RBM25: variants seen among roughly 807,000 people sequenced by gnomAD.
RBM25 encodes RNA binding motif protein 25.
In RBM25, 19 loss-of-function variants were observed where a neutral mutation model predicts 120.7. That is an observed-to-expected ratio of 0.16 (90% CI 0.11 to 0.23). The LOEUF (loss-of-function observed/expected upper bound fraction) is 0.23. Among genes scored for constraint, RBM25 ranks in the 10% least tolerant of loss-of-function variants. The pLI, the probability that RBM25 is intolerant of heterozygous loss-of-function variation, is 1.00. For missense variants in RBM25, 605 were observed against 1,041.5 expected, an observed-to-expected ratio of 0.58 and a Z score of 5.77; for synonymous variants, 390 against 326.7, an observed-to-expected ratio of 1.19 and a Z score of -2.09.
intron 1 of RBM25, 69 bp from the exon 2 acceptor site, chr14:73,071,558 C>T: frequency 9.0e-7 from 1 of 1,114,672 alleles, no homozygotes; most frequent in Non-Finnish European, 1.3e-6. Flanking sequence ...AAATGAAAGT[C>T]AACAAAGAAG....
chr14:73,106,807 A>G (rs556637568), intron 12 of RBM25, among the ~76,000 whole-genome samples: 73 of 151,916 alleles, frequency 4.8e-4, no homozygotes, highest in Middle Eastern at 3.4e-3. Context: ...ACATATACAC[A>G]TATACATACA....
At chr14:73,114,185 G>A in intron 17 of RBM25, 101 bp from the exon 18 acceptor site, 2 of 820,082 alleles carry the variant, frequency 2.4e-6, no homozygotes, top group Non-Finnish European at 3.8e-6. Context: ...TTAGCCGCAA[G>A]AAGTTCCTGT....
intron 1 of RBM25, chr14:73,068,587 C>A: frequency 7.5e-6 from 4 of 536,680 alleles, no homozygotes; most frequent in South Asian, 4.5e-5. Context: ...TACGGTAGAT[C>A]TGACCATGGC....
intron 12 of RBM25, among the ~76,000 whole-genome samples, chr14:73,107,006 A>G (rs909162191): frequency 6.6e-6 from 1 of 151,142 alleles, no homozygotes; most frequent in Non-Finnish European, 1.5e-5. Flanking sequence ...CACCCAGCTA[A>G]TATTTTGTAT....
At chr14:73,094,665 TAGTG>T (rs1895895942) in intron 6 of RBM25, among the ~76,000 whole-genome samples, 1 of 152,070 alleles carries the variant, frequency 6.6e-6, no homozygotes, top group Non-Finnish European at 1.5e-5. Flanking sequence ...TCTCCTGACT[TAGTG>T]AGCCGCTGCA....
At chr14:73,066,349 C>T (rs555215086) in intron 1 of RBM25, among the ~76,000 whole-genome samples, 2 of 152,162 alleles carry the variant, frequency 1.3e-5, no homozygotes, top group East Asian at 1.9e-4. Context: ...TTAAATCCTC[C>T]TAAGGGCTGG....
At chr14:73,070,960 G>C (rs1296143248) in intron 1 of RBM25, among the ~76,000 whole-genome samples, 1 of 114,456 alleles carries the variant, frequency 8.7e-6, no homozygotes, top group Non-Finnish European at 1.8e-5. Flanking sequence ...AAAAAAAAAA[G>C]GCCAGGCATG....
intron 2 of RBM25, among the ~76,000 whole-genome samples, chr14:73,072,286 TA>T (rs541163191): frequency 1.3e-5 from 2 of 150,188 alleles, no homozygotes; most frequent in African/African-American, 2.5e-5. Context: ...ATTCTATATT[TA>T]AAAAAAATGG....
chr14:73,108,438 T>A (rs1896236223), intron 13 of RBM25, among the ~76,000 whole-genome samples: 2 of 152,208 alleles, frequency 1.3e-5, no homozygotes, highest in Non-Finnish European at 2.9e-5. Context: ...CAATTTGACC[T>A]CCCGTCTCTC....
intron 18 of RBM25, among the ~76,000 whole-genome samples, chr14:73,118,272 T>G (rs1420830617): frequency 1.3e-5 from 2 of 152,034 alleles, no homozygotes; most frequent in Non-Finnish European, 2.9e-5. Flanking sequence ...GCCCAGGAGT[T>G]TGAGACCAGC....
intron 5 of RBM25, among the ~76,000 whole-genome samples, chr14:73,085,915 G>A (rs897517126): frequency 6.6e-6 from 1 of 152,014 alleles, no homozygotes; most frequent in Non-Finnish European, 1.5e-5. Context: ...TATTTAATAT[G>A]GATTCATTGT....
At chr14:73,107,768 A>G (rs1336790383) in intron 12 of RBM25, 58 bp from the exon 13 acceptor site, 4 of 1,256,694 alleles carry the variant, frequency 3.2e-6, no homozygotes, top group Non-Finnish European at 4.6e-6. Context: ...CAAAAAAGGG[A>G]AGAGTAATCT....
intron 1 of RBM25, among the ~76,000 whole-genome samples, chr14:73,059,632 C>T (rs907045393): frequency 1.2e-4 from 18 of 152,104 alleles, no homozygotes; most frequent in African/African-American, 4.1e-4. Flanking sequence ...TGTATTAGGC[C>T]GTGGGCAGTA....
intron 18 of RBM25, among the ~76,000 whole-genome samples, chr14:73,116,321 T>C (rs951122360): frequency 6.6e-6 from 1 of 152,122 alleles, no homozygotes; most frequent in African/African-American, 2.4e-5. Context: ...AAGCATGATA[T>C]GAAATGGTAG....
chr14:73,117,207 TTTC>T (rs1896450536), intron 18 of RBM25, among the ~76,000 whole-genome samples: 3 of 111,072 alleles, frequency 2.7e-5, no homozygotes, highest in Admixed American at 2.2e-4. Context: ...TCTTTCTTCT[TTTC>T]TTTTTTTTTT....
intron 5 of RBM25, among the ~76,000 whole-genome samples, chr14:73,083,930 C>T (rs961160924): frequency 6.7e-6 from 1 of 149,980 alleles, no homozygotes; most frequent in African/African-American, 2.5e-5. Flanking sequence ...CCTAGTCTCA[C>T]TCTGTCACCC....
At chr14:73,101,255 G>A (rs1329101612) in intron 9 of RBM25, 1 of 152,292 alleles carries the variant, frequency 6.6e-6, no homozygotes, top group African/African-American at 2.4e-5. Flanking sequence ...AATGAGCTCA[G>A]TGAACCTTTG....
rs75923211 is a variant in RBM25, at chr14:73,089,665, T to TTTTGTTTGTTTGTTTGTTTG, written c.543+1505_543+1524dup. 3.5e-3 allele frequency among the ~76,000 whole-genome samples: 512 copies of TTTTGTTTGTTTGTTTGTTTG among 145,602 alleles called. 1 individual carries two copies. The highest frequency in any genetic ancestry group is 0.012 in the African/African-American group (459 of 39,486). On this transcript the variant is annotated intron_variant, in intron 6 of 18. Transcript: ENST00000261973. The stretch of plus-strand genomic sequence containing the variant: ...CCACCACACCTGGCCAAATGTAGGG[T>TTTTGTTTGTTTGTTTGTTTG]TTTGTTTGTTTGTTTGTTTGAAATG...
chr14:73,068,324 G>C (rs1226379453), intron 1 of RBM25: 1 of 755,006 alleles, frequency 1.3e-6, no homozygotes, highest in East Asian at 2.6e-5. Context: ...TTCATGGTTG[G>C]AAGGTGTGCC....
Sources: allele counts gnomAD v4.1 joint callset (sites outside exome capture counted in the v4.1 genomes callset), GRCh38; gene constraint gnomAD v4.1.1; transcripts MANE v1.5; gene names NCBI Gene and HGNC (gene_info 2026-07-23, HGNC 2026-07-21).